PDE1B: variants seen among roughly 807,000 people sequenced by gnomAD.
The protein encoded by PDE1B is phosphodiesterase 1B.
Under a neutral mutation model 66.7 loss-of-function variants are expected in PDE1B, and 13 were observed. The observed-to-expected ratio is 0.19, with a 90% CI of 0.13 to 0.31. The LOEUF is 0.31. Ranked by LOEUF, PDE1B falls within the 10% of genes least tolerant of loss-of-function variation. PDE1B has a pLI of 1.00. For synonymous variants in PDE1B, 230 were observed against 253.9 expected (o/e 0.91, Z 0.90); for missense variants, 485 against 682.3 (o/e 0.71, Z 3.22).
At chr12:54,556,866 G>C (rs375352902) in intron 2 of PDE1B, among the ~76,000 whole-genome samples, 2 of 151,912 alleles carry the variant, frequency 1.3e-5, no homozygotes, top group African/African-American at 2.4e-5. Flanking sequence ...CTTGGCTGGT[G>C]GGGGGTTGAG....
In PDE1B at chr12:54,558,327, C is replaced by T. The variant is rs1795356539; in HGVS notation, c.113+8342C>T. Among the ~76,000 whole-genome samples the T allele has an allele frequency of 2.0e-5, 3 of 152,048 alleles. No homozygotes were observed. In the South Asian group the frequency reaches 6.2e-4, roughly 32 times the overall value. On this transcript the variant is annotated intron_variant, in intron 2 of 15. Transcript: ENST00000243052. The stretch of plus-strand genomic sequence containing the variant: ...TCTTCCAATCTTCCCTAGGGCCTGC[C>T]CCATTCCCTTTCCTCATCCCACCCC...
intron 2 of PDE1B, 46 bp downstream of exon 2, chr12:54,550,031 T>C: frequency 6.3e-7 from 1 of 1,591,510 alleles, no homozygotes; most frequent in Non-Finnish European, 8.6e-7. Context: ...TTAGGGAGCC[T>C]GAGCGGGAGG....
chr12:54,563,484 C>T (rs997457026), intron 2 of PDE1B, among the ~76,000 whole-genome samples: 3 of 152,220 alleles, frequency 2.0e-5, no homozygotes, highest in Non-Finnish European at 4.4e-5. Context: ...AAGATCATGG[C>T]TATTATCTTT....
At chr12:54,567,823 A>G (rs1338117169) in intron 3 of PDE1B, among the ~76,000 whole-genome samples, 1 of 151,838 alleles carries the variant, frequency 6.6e-6, no homozygotes, top group Non-Finnish European at 1.5e-5. Flanking sequence ...TCAAAGACTT[A>G]GAAAAAAGAA....
intron 2 of PDE1B, among the ~76,000 whole-genome samples, chr12:54,552,994 T>C (rs1957297922): frequency 6.6e-6 from 1 of 152,244 alleles, no homozygotes; most frequent in Non-Finnish European, 1.5e-5. Context: ...CATTTATTTA[T>C]CCAACAACTA....
At chr12:54,567,236 G>A in intron 3 of PDE1B, 149 bp downstream of exon 3, 1 of 485,030 alleles carries the variant, frequency 2.1e-6, no homozygotes, top group Non-Finnish European at 3.7e-6. Context: ...TCTAGGTAGT[G>A]GCTCACACCT....
At chr12:54,564,180 A>AC (rs1183221737) in intron 2 of PDE1B, among the ~76,000 whole-genome samples, 1 of 151,094 alleles carries the variant, frequency 6.6e-6, no homozygotes, top group African/African-American at 2.4e-5. Flanking sequence ...GTCAAATAAC[A>AC]CCCCCCACAC....
At chr12:54,577,799 A>G (rs58563676) in intron 15 of PDE1B, 61 bp from the exon 16 acceptor site, 9,345 of 401,292 alleles carry the variant, frequency 0.023, 728 homozygotes, top group African/African-American at 0.17. Context: ...TTGGAGAAGG[A>G]AGGTCAGGTT....
intron 2 of PDE1B, among the ~76,000 whole-genome samples, chr12:54,560,399 T>C (rs1218592663): frequency 6.6e-6 from 1 of 152,154 alleles, no homozygotes; most frequent in Non-Finnish European, 1.5e-5. Context: ...ACCCCATTAG[T>C]TCCTTTTCCT....
In PDE1B at chr12:54,567,017, A is replaced by G; in HGVS notation, c.157A>G (p.Ile53Val). The change falls in exon 3 of 16, where the codon ATT becomes GTT. Residue 53 changes from isoleucine to valine, a missense_variant. Physicochemically the swap from Ile to Val is conservative, Grantham distance 29. Coordinates refer to ENST00000243052, the MANE Select transcript of PDE1B (RefSeq NM_000924.4). ...GCAGTTGGAGAATGGGGAGATAAAC[A>G]TTGAGGAGCTGAAGAAAAATCTGGA... ...VKQLENGEINIEELKKNLEYT... is the reference protein window; with the variant it reads ...VKQLENGEINVEELKKNLEYT... 6.2e-7 allele frequency: 1 copy of G among 1,612,954 alleles called. No homozygotes were observed. The highest frequency in any genetic ancestry group is 8.5e-7 in the Non-Finnish European group (1 of 1,179,328).
intron 6 of PDE1B, 75 bp downstream of exon 6, chr12:54,570,432 CA>C: frequency 1.2e-6 from 1 of 849,304 alleles, no homozygotes; most frequent in Non-Finnish European, 2.1e-6. Context: ...AGCCTCCCAA[CA>C]AACAGATTCC....
rs141189246 is a variant in PDE1B, at chr12:54,564,468, C to T, written c.114-2506C>T. Among the ~76,000 whole-genome samples the T allele has an allele frequency of 2.6e-5, 4 of 151,626 alleles. No homozygotes were observed. In the East Asian group the frequency reaches 7.7e-4, roughly 29 times the overall value. ...GCAACATAGCAGGACCTCATCTCTA[C>T]AAAAAATAAAAAAAAATTAGCCGGG... is the stretch of plus-strand genomic sequence containing the variant. On this transcript the variant is annotated intron_variant, in intron 2 of 15. Transcript: ENST00000243052.
intron 2 of PDE1B, chr12:54,550,231 C>T (rs1011572492): frequency 5.9e-6 from 8 of 1,360,692 alleles, no homozygotes; most frequent in Non-Finnish European, 7.6e-6. Flanking sequence ...TGCCTGTGGA[C>T]CCCAGGCTGA....
chr12:54,569,096 T>C lies in PDE1B; in HGVS notation c.228-88T>C, dbSNP rs192280372. 159 of 1,488,542 alleles carry C rather than the reference T, an allele frequency of 1.1e-4. 1 individual carries two copies. The African/African-American group carries it at 2.2e-3, about 20-fold the overall frequency. The allele number at this position is 1,488,542 out of a possible 1,614,324, so 92.2% of individuals were successfully genotyped here. A position where few individuals can be genotyped will look rare whatever the true frequency, so the allele number is the denominator to read the frequency against. ...GACAGAGAGCTGGCATGAGAGTTAC[T>C]AAATGTGGGGTATGGCTGGGTACAG... On this transcript the variant is annotated intron_variant, in intron 3 of 15. Transcript: ENST00000243052. The surrounding 1 kb of genome is among the most constrained non-coding windows in gnomAD (Gnocchi z 4.4).
chr12:54,553,555 CA>C lies in PDE1B; in HGVS notation c.113+3571del, dbSNP rs536179030. On this transcript the variant is annotated intron_variant, in intron 2 of 15. Transcript: ENST00000243052. The stretch of plus-strand genomic sequence containing the variant: ...GTCTAGTGTGATACCTTGAACATAA[CA>C]GGCACTCAATAAATGCTGTTAAATA... Among the ~76,000 whole-genome samples the C allele has an allele frequency of 2.3e-3, 344 of 152,282 alleles. 2 individuals carry two copies. Among genetic ancestry groups the C allele is most frequent in the African/African-American group, 8.1e-3 (336 of 41,542 alleles).
In PDE1B at chr12:54,573,870, A is replaced by T. The variant is rs867411301; in HGVS notation, c.1064+161A>T. 6.8e-5 allele frequency: 34 copies of T among 502,070 alleles called. No homozygotes were observed. Among genetic ancestry groups the T allele is most frequent in the African/African-American group, 2.7e-4 (12 of 44,962 alleles). The allele number at this position is 502,070 out of a possible 1,614,324, so 31.1% of individuals were successfully genotyped here. A position where few individuals can be genotyped will look rare whatever the true frequency, so the allele number is the denominator to read the frequency against. ...GCATCTCTATGTGAGAGAGAGAGAGAGTGTGTGTGTGTGTGTGTGTGTGTG... is the reference window on the plus strand; with the variant it reads ...GCATCTCTATGTGAGAGAGAGAGAGTGTGTGTGTGTGTGTGTGTGTGTGTG... On this transcript the variant is annotated intron_variant, in intron 10 of 15. Transcript: ENST00000243052. This position sits in a 1 kb window ranked among gnomAD's most constrained non-coding sequence, Gnocchi z 5.2.
intron 2 of PDE1B, among the ~76,000 whole-genome samples, chr12:54,565,054 G>A (rs533981031): frequency 1.3e-5 from 2 of 152,364 alleles, no homozygotes; most frequent in South Asian, 4.1e-4. Context: ...AGCATTGTTA[G>A]CGATTATGCA....
intron 2 of PDE1B, among the ~76,000 whole-genome samples, chr12:54,565,173 TGG>T (rs1957492286): frequency 6.6e-6 from 1 of 152,222 alleles, no homozygotes; most frequent in East Asian, 1.9e-4. Flanking sequence ...ACTTTGATGA[TGG>T]GCATTGATCC....
chr12:54,550,057 T>A, intron 2 of PDE1B, 72 bp downstream of exon 2: 1 of 1,557,736 alleles, frequency 6.4e-7, no homozygotes, highest in Non-Finnish European at 8.7e-7. Context: ...GGGGGATAAC[T>A]GGAGCAGGGC....
Sources: gnomAD v4.1 joint callset for allele counts (sites outside exome capture counted in the v4.1 genomes callset) on GRCh38, gnomAD v4.1.1 for gene constraint, Gnocchi (gnomAD v3.1) non-coding constraint, MANE v1.5 for transcripts, NCBI Gene and HGNC (gene_info 2026-07-23, HGNC 2026-07-21) for gene names.